VPS13B: variants seen among roughly 807,000 people sequenced by gnomAD.
VPS13B encodes the protein vacuolar protein sorting 13 homolog B.
A neutral mutation model predicts 426.4 loss-of-function variants in VPS13B; 285 were observed. The observed-to-expected ratio is 0.67, with a 90% CI of 0.61 to 0.74. VPS13B has a LOEUF of 0.74. VPS13B is among the 30% of genes least tolerant of loss of function. VPS13B has a pLI of 0.00. For missense variants in VPS13B, 4,537 were observed against 4,782.6 expected (o/e 0.95, Z 1.51); for synonymous variants, 1,676 against 1,676.4 (o/e 1.00, Z 0.01).
chr8:99,639,138 T>C (rs1829195767), intron 33 of VPS13B, among the ~76,000 whole-genome samples: 1 of 152,206 alleles, frequency 6.6e-6, no homozygotes, highest in Admixed American at 6.5e-5. Flanking sequence ...TAGCCTTAGA[T>C]TTGTAATTTG....
At chr8:99,421,424 C>T (rs1816366348) in intron 21 of VPS13B, among the ~76,000 whole-genome samples, 1 of 152,054 alleles carries the variant, frequency 6.6e-6, no homozygotes, top group Non-Finnish European at 1.5e-5. Context: ...AAATTTTATA[C>T]ATTTGTTGTA....
At chr8:99,292,936 G>A (rs550856206) in intron 19 of VPS13B, among the ~76,000 whole-genome samples, 36 of 152,142 alleles carry the variant, frequency 2.4e-4, no homozygotes, top group African/African-American at 7.2e-4. Flanking sequence ...TTGATGACTG[G>A]TCCAAAGGGG....
chr8:99,542,641 A>G (rs897619219), intron 30 of VPS13B, among the ~76,000 whole-genome samples: 11 of 152,160 alleles, frequency 7.2e-5, no homozygotes, highest in Admixed American at 5.9e-4. Context: ...GTGCTTTATT[A>G]CATAGGTGGA....
intron 39 of VPS13B, among the ~76,000 whole-genome samples, chr8:99,730,337 C>T (rs1444324050): frequency 2.0e-5 from 3 of 152,148 alleles, no homozygotes; most frequent in African/African-American, 2.4e-5. Flanking sequence ...AGGAAAGGAA[C>T]AAGTCTTGTG....
At chr8:99,122,097 G>A (rs757599536) in intron 8 of VPS13B, among the ~76,000 whole-genome samples, 143 of 150,922 alleles carry the variant, frequency 9.5e-4, no homozygotes, top group Non-Finnish European at 1.7e-3. Context: ...AGGCTCAAGC[G>A]TTTTTCCCCC....
intron 23 of VPS13B, among the ~76,000 whole-genome samples, chr8:99,464,692 T>G (rs1819020453): frequency 6.6e-6 from 1 of 152,176 alleles, no homozygotes; most frequent in East Asian, 1.9e-4. Context: ...TTTAATATGT[T>G]CCTTTGGGGA....
At chr8:99,016,896 C>T (rs1841652170) in intron 2 of VPS13B, among the ~76,000 whole-genome samples, 1 of 151,908 alleles carries the variant, frequency 6.6e-6, no homozygotes, top group Non-Finnish European at 1.5e-5. Flanking sequence ...GCCAGGAATT[C>T]TTTATATATT....
At chr8:99,532,686 C>T (rs867604230) in intron 30 of VPS13B, among the ~76,000 whole-genome samples, 1 of 151,606 alleles carries the variant, frequency 6.6e-6, no homozygotes, top group Non-Finnish European at 1.5e-5. Flanking sequence ...TGAAAATATG[C>T]TTTATTTTTA....
At chr8:99,478,466 G>GTTTGTTT (rs1819854126) in intron 24 of VPS13B, among the ~76,000 whole-genome samples, 2 of 41,964 alleles carry the variant, frequency 4.8e-5, no homozygotes, top group African/African-American at 9.0e-5. Flanking sequence ...TTTTTTTTTT[G>GTTTGTTT]TTTTTTGTTT....
At chr8:99,416,683 C>T (rs1293782892) in intron 21 of VPS13B, among the ~76,000 whole-genome samples, 3 of 152,130 alleles carry the variant, frequency 2.0e-5, no homozygotes, top group Non-Finnish European at 2.9e-5. Flanking sequence ...CATTCCCTGA[C>T]CCTTTGTGCT....
chr8:99,109,386 TTC>T lies in VPS13B; in HGVS notation c.581-1710_581-1709del, dbSNP rs1349890431. ...TTTGAATACTTCACTTTTTCTTTCT[TTC>T]TTTTTTTTTTTTAAGAGAGAGTCTT... On this transcript the variant is annotated intron_variant, in intron 5 of 61. Transcript: ENST00000357162. 1.3e-4 allele frequency among the ~76,000 whole-genome samples: 20 copies of T among 150,500 alleles called. 1 individual carries two copies. Among genetic ancestry groups the T allele is most frequent in the Non-Finnish European group, 1.8e-4 (12 of 67,454 alleles).
chr8:99,632,542 T>G (rs1828890661), intron 33 of VPS13B, among the ~76,000 whole-genome samples: 1 of 151,984 alleles, frequency 6.6e-6, no homozygotes, highest in African/African-American at 2.4e-5. Flanking sequence ...TAGAGAATAC[T>G]TTGAATTTCC....
chr8:99,169,558 C>T (rs186778719), intron 15 of VPS13B, among the ~76,000 whole-genome samples: 25 of 151,906 alleles, frequency 1.6e-4, no homozygotes, highest in African/African-American at 5.5e-4. Context: ...GGATATTTTT[C>T]GATATCCTTT....
At chr8:99,591,022 G>A (rs1295050091) in intron 33 of VPS13B, among the ~76,000 whole-genome samples, 2 of 152,096 alleles carry the variant, frequency 1.3e-5, no homozygotes, top group East Asian at 1.9e-4. Context: ...GGGTGCTCAT[G>A]TGTTGGGTGT....
chr8:99,136,869 A>C, intron 12 of VPS13B, 117 bp downstream of exon 12: 1 of 985,166 alleles, frequency 1.0e-6, no homozygotes, highest in East Asian at 2.4e-5. Flanking sequence ...ATCTTCTAGT[A>C]CTTTGGGGAG....
intron 31 of VPS13B, among the ~76,000 whole-genome samples, chr8:99,563,517 C>A (rs1347087235): frequency 6.6e-6 from 1 of 152,020 alleles, no homozygotes; most frequent in Admixed American, 6.6e-5. Context: ...TCATTCATTT[C>A]TCTTTTTAAA....
intron 23 of VPS13B, among the ~76,000 whole-genome samples, chr8:99,457,721 T>C (rs1216985719): frequency 6.6e-6 from 1 of 152,192 alleles, no homozygotes; most frequent in African/African-American, 2.4e-5. Flanking sequence ...TGTGGGCATT[T>C]AATGCTATAA....
chr8:99,689,325 T>C (rs1831547851), intron 35 of VPS13B, among the ~76,000 whole-genome samples: 1 of 152,152 alleles, frequency 6.6e-6, no homozygotes, highest in Admixed American at 6.5e-5. Flanking sequence ...AATATTAAAA[T>C]ATAGGACAGT....
chr8:99,501,935 C>G, intron 26 of VPS13B, 77 bp downstream of exon 26: 7 of 1,372,700 alleles, frequency 5.1e-6, no homozygotes, highest in Non-Finnish European at 6.9e-6. Flanking sequence ...TCCCTTCCTT[C>G]CTTCCTTTCT....
Sources: allele counts gnomAD v4.1 joint callset (sites outside exome capture counted in the v4.1 genomes callset), GRCh38; gene constraint gnomAD v4.1.1; transcripts MANE v1.5; gene names NCBI Gene and HGNC (gene_info 2026-07-23, HGNC 2026-07-21).